The following NAALADL2 variants were observed in gnomAD, a reference collection of about 807,000 sequenced individuals.
NAALADL2 encodes the protein inactive N-acetylated-alpha-linked acidic dipeptidase-like protein 2.
NAALADL2 carries 76 observed loss-of-function variants against 87.2 expected under a neutral mutation model. The ratio of observed to expected loss-of-function variants is 0.87; its 90% CI spans 0.72 to 1.05. NAALADL2 has a LOEUF of 1.05. NAALADL2 is among the 50% of genes least tolerant of loss of function. The pLI, the probability that NAALADL2 is intolerant of heterozygous loss-of-function variation, is 0.00. For synonymous variants in NAALADL2, 354 were observed against 331.0 expected (o/e 1.07, Z -0.75); for missense variants, 1,089 against 945.8 (o/e 1.15, Z -1.99).
At chr3:174,944,574 T>C (rs900354827) in intron 1 of NAALADL2, among the ~76,000 whole-genome samples, 1 of 152,170 alleles carries the variant, frequency 6.6e-6, no homozygotes, top group Non-Finnish European at 1.5e-5. Flanking sequence ...TCAGCTTCTT[T>C]CCTAGGGGTA....
intron 9 of NAALADL2, among the ~76,000 whole-genome samples, chr3:175,534,745 A>G (rs1734572686): frequency 6.6e-6 from 1 of 151,696 alleles, no homozygotes; most frequent in Non-Finnish European, 1.5e-5. Context: ...GTTTAGGACT[A>G]TGCTCCTGGT....
In NAALADL2 at chr3:174,954,286, T is replaced by C. The variant is rs1035713687; in HGVS notation, c.43+94836T>C. ...TTTTACATTTAAACCATCTGAGAAA[T>C]GTTATGCAGATGTAACTTGAATGCA... On this transcript the variant is annotated intron_variant, in intron 1 of 13. Coordinates refer to ENST00000454872, the MANE Select transcript of NAALADL2 (RefSeq NM_207015.3). Among the ~76,000 whole-genome samples the C allele has an allele frequency of 3.9e-5, 6 of 152,236 alleles. No individual in the cohort carries two copies. In the South Asian group the frequency reaches 6.2e-4, roughly 16 times the overall value.
chr3:175,648,747 T>C (rs980395958), intron 11 of NAALADL2, among the ~76,000 whole-genome samples: 2 of 152,172 alleles, frequency 1.3e-5, no homozygotes, highest in African/African-American at 4.8e-5. Flanking sequence ...TGAACCTTAT[T>C]GCATCTTATG....
At chr3:175,726,383 C>G (rs1561041905) in intron 11 of NAALADL2, among the ~76,000 whole-genome samples, 1 of 152,092 alleles carries the variant, frequency 6.6e-6, no homozygotes, top group East Asian at 1.9e-4. Context: ...AGGCTTTCTT[C>G]AGCCCTGGAA....
At chr3:175,694,499 G>T (rs1737475411) in intron 11 of NAALADL2, among the ~76,000 whole-genome samples, 2 of 152,132 alleles carry the variant, frequency 1.3e-5, no homozygotes, top group Non-Finnish European at 2.9e-5. Context: ...TACAGTTACA[G>T]ACTTTGGTTG....
intron 1 of NAALADL2, among the ~76,000 whole-genome samples, chr3:174,969,569 T>C (rs1371733921): frequency 6.6e-6 from 1 of 152,180 alleles, no homozygotes; most frequent in African/African-American, 2.4e-5. Context: ...TTATTGTAAC[T>C]AAAATCCCAT....
chr3:174,704,791 G>T (rs1729904370), intron 2 of NAALADL2, among the ~76,000 whole-genome samples: 1 of 152,038 alleles, frequency 6.6e-6, no homozygotes, highest in Non-Finnish European at 1.5e-5. Flanking sequence ...AGAACAGTAA[G>T]TCCTCTCTTA....
chr3:175,240,355 A>G (rs185119658), intron 3 of NAALADL2, among the ~76,000 whole-genome samples: 1 of 152,354 alleles, frequency 6.6e-6, no homozygotes, highest in East Asian at 1.9e-4. Context: ...AGACAAAAAT[A>G]CAAACACTGC....
chr3:174,689,160 C>T (rs1026242549), intron 2 of NAALADL2, among the ~76,000 whole-genome samples: 1 of 152,014 alleles, frequency 6.6e-6, no homozygotes. Flanking sequence ...TAATTACGAA[C>T]CTGTTTTATT....
At chr3:175,295,451 G>A (rs1036041653) in intron 4 of NAALADL2, among the ~76,000 whole-genome samples, 3 of 151,954 alleles carry the variant, frequency 2.0e-5, no homozygotes, top group African/African-American at 7.3e-5. Flanking sequence ...CCTTACACAA[G>A]TTATAAATCA....
intron 2 of NAALADL2, among the ~76,000 whole-genome samples, chr3:174,706,800 A>G (rs1578620254): frequency 6.6e-6 from 1 of 152,068 alleles, no homozygotes; most frequent in African/African-American, 2.4e-5. Context: ...ATCCATCTTG[A>G]ATTAATTTTT....
At chr3:175,474,156 G>A (rs141902675) in intron 9 of NAALADL2, among the ~76,000 whole-genome samples, 11 of 152,056 alleles carry the variant, frequency 7.2e-5, no homozygotes, top group African/African-American at 2.6e-4. Flanking sequence ...CTGATGATTT[G>A]TGAAAAAAGC....
chr3:175,701,884 A>G (rs1739047361), intron 11 of NAALADL2, among the ~76,000 whole-genome samples: 2 of 152,138 alleles, frequency 1.3e-5, no homozygotes. Flanking sequence ...TTTGTTGCGA[A>G]TTGCATATTT....
chr3:175,436,287 T>C (rs1473497176), intron 5 of NAALADL2, among the ~76,000 whole-genome samples: 2 of 148,024 alleles, frequency 1.4e-5, no homozygotes, highest in Non-Finnish European at 3.0e-5. Flanking sequence ...TCTTTGCTAT[T>C]GTGAATAATG....
At chr3:174,990,930 GC>G in intron 1 of NAALADL2, among the ~76,000 whole-genome samples, 1 of 152,178 alleles carries the variant, frequency 6.6e-6, no homozygotes, top group East Asian at 1.9e-4. Flanking sequence ...CTTTGAAATT[GC>G]CTTGTTAGAG....
At chr3:175,732,499 G>T (rs1489829737) in intron 11 of NAALADL2, among the ~76,000 whole-genome samples, 2 of 152,098 alleles carry the variant, frequency 1.3e-5, no homozygotes, top group Non-Finnish European at 1.5e-5. Flanking sequence ...AGTCCATCTA[G>T]GTGTAGTTGT....
At chr3:174,763,588 A>AAAAAAAAAAAAAAAAAAAAAAAAAC in intron 3 of NAALADL2, among the ~76,000 whole-genome samples, 1 of 147,086 alleles carries the variant, frequency 6.8e-6, no homozygotes, top group African/African-American at 2.5e-5. Context: ...CTCCATCTCA[A>AAAAAAAAAAAAAAAAAAAAAAAAAC]AAAAAAAAAA....
chr3:175,145,096 G>A (rs1730560742), intron 2 of NAALADL2, among the ~76,000 whole-genome samples: 3 of 152,044 alleles, frequency 2.0e-5, no homozygotes, highest in Admixed American at 6.6e-5. Flanking sequence ...AGAAGGATTT[G>A]GGAGGGGCTG....
intron 2 of NAALADL2, among the ~76,000 whole-genome samples, chr3:175,191,475 T>C (rs1051992816): frequency 4.6e-5 from 7 of 152,072 alleles, no homozygotes; most frequent in Non-Finnish European, 8.8e-5. Flanking sequence ...AAGGAGGAGA[T>C]TGGAGAGAAC....
Sources: gnomAD v4.1 joint callset for allele counts (sites outside exome capture counted in the v4.1 genomes callset) on GRCh38, gnomAD v4.1.1 for gene constraint, MANE v1.5 for transcripts, NCBI Gene and HGNC (gene_info 2026-07-23, HGNC 2026-07-21) for gene names.